The following PRKAR1B variants were observed in gnomAD, a reference collection of about 807,000 sequenced individuals.
PRKAR1B encodes protein kinase cAMP-dependent type I regulatory subunit beta, also known as cAMP-dependent protein kinase type I-beta regulatory subunit.
A neutral mutation model predicts 46.5 loss-of-function variants in PRKAR1B; 22 were observed. The observed-to-expected ratio is 0.47, with a 90% CI of 0.34 to 0.68. The LOEUF (loss-of-function observed/expected upper bound fraction) is 0.68, where lower values mean the gene tolerates loss of function less well. Ranked by LOEUF, PRKAR1B falls within the 30% of genes least tolerant of loss-of-function variation. The pLI, the probability that PRKAR1B is intolerant of heterozygous loss-of-function variation, is 0.01. For missense variants in PRKAR1B, 445 were observed against 535.6 expected (o/e 0.83, Z 1.67); for synonymous variants, 259 against 217.7 (o/e 1.19, Z -1.67).
At chr7:590,472 G>A (rs1388386877) in intron 7 of PRKAR1B, among the ~76,000 whole-genome samples, 1 of 152,230 alleles carries the variant, frequency 6.6e-6, no homozygotes, top group Non-Finnish European at 1.5e-5. Flanking sequence ...AGCAGGGTGG[G>A]GGCGGGGCCC....
chr7:590,480 C>T (rs149542022), intron 7 of PRKAR1B, among the ~76,000 whole-genome samples: 8 of 152,316 alleles, frequency 5.3e-5, no homozygotes, highest in Admixed American at 1.3e-4. Context: ...GGGGGCGGGG[C>T]CCCGAGAGAT....
At chr7:583,812 G>GCACA (rs566553143) in intron 8 of PRKAR1B, among the ~76,000 whole-genome samples, 1 of 146,574 alleles carries the variant, frequency 6.8e-6, no homozygotes, top group East Asian at 2.1e-4. Context: ...GCACACTCAT[G>GCACA]CACACACACG....
chr7:571,739 G>A (rs769897554), intron 9 of PRKAR1B, among the ~76,000 whole-genome samples: 1 of 152,136 alleles, frequency 6.6e-6, no homozygotes, highest in South Asian at 2.1e-4. Flanking sequence ...GCAGGCGTGC[G>A]GCCCCAGATG....
chr7:644,637 A>C lies in PRKAR1B; in HGVS notation c.440+32592T>G, dbSNP rs1218385051. Among the ~76,000 whole-genome samples the C allele has an allele frequency of 2.0e-5, 3 of 152,198 alleles. No individual in the cohort carries two copies. The highest frequency in any genetic ancestry group is 7.2e-5 in the African/African-American group (3 of 41,450). On this transcript the variant is annotated intron_variant, in intron 4 of 10. Transcript: ENST00000537384. This position sits in a 1 kb window ranked among gnomAD's most constrained non-coding sequence, Gnocchi z 4.9. The stretch of plus-strand genomic sequence containing the variant: ...ATGCAGGGCCGTTCTCAGCCTCAGC[A>C]GCTGAGCGTCCACCCCCAGGCCTCC...
chr7:721,288 T>C (rs1019932513), intron 1 of PRKAR1B, among the ~76,000 whole-genome samples: 3 of 152,212 alleles, frequency 2.0e-5, no homozygotes, highest in African/African-American at 7.2e-5. Flanking sequence ...TCAGTGACAT[T>C]GACTTCTATT....
At chr7:606,363 C>T in intron 5 of PRKAR1B, 124 bp from the exon 6 acceptor site, 1 of 706,602 alleles carries the variant, frequency 1.4e-6, no homozygotes, top group South Asian at 2.1e-5. Flanking sequence ...CTGGGTGCTA[C>T]CAATTCTTTT....
chr7:692,867 G>A, intron 2 of PRKAR1B, among the ~76,000 whole-genome samples: 1 of 152,130 alleles, frequency 6.6e-6, no homozygotes, highest in Non-Finnish European at 1.5e-5. Context: ...GAAAACCTGG[G>A]GCTTCATCCC....
chr7:572,517 T>C (rs1000958703), intron 9 of PRKAR1B, among the ~76,000 whole-genome samples: 2 of 152,140 alleles, frequency 1.3e-5, no homozygotes, highest in Admixed American at 6.5e-5. Flanking sequence ...GCAGTGGAGT[T>C]GCCCCCGAGG....
chr7:689,711 G>A (rs546175209), intron 2 of PRKAR1B, among the ~76,000 whole-genome samples: 6 of 151,466 alleles, frequency 4.0e-5, no homozygotes, highest in South Asian at 2.1e-4. Flanking sequence ...ACAGAGTATC[G>A]TTCTGTTGCC....
intron 7 of PRKAR1B, among the ~76,000 whole-genome samples, chr7:591,938 G>A (rs958298505): frequency 6.6e-6 from 1 of 152,230 alleles, no homozygotes; most frequent in Admixed American, 6.5e-5. Flanking sequence ...CACGGCTGTG[G>A]GGTTGGCAAC....
At chr7:571,283 T>C (rs113508467) in intron 9 of PRKAR1B, among the ~76,000 whole-genome samples, 20,017 of 152,132 alleles carry the variant, frequency 0.13, 1,354 homozygotes, top group African/African-American at 0.18. Flanking sequence ...CGGTACAGGC[T>C]GGGTCCCAGC....
At chr7:712,751 A>C (rs1583454497) in intron 1 of PRKAR1B, 1 of 76,882 alleles carries the variant, frequency 1.3e-5, no homozygotes. Flanking sequence ...TGAGTCGCCC[A>C]CTCCAGCCGG....
intron 1 of PRKAR1B, among the ~76,000 whole-genome samples, chr7:717,853 G>A (rs1780933580): frequency 6.6e-6 from 1 of 152,108 alleles, no homozygotes; most frequent in South Asian, 2.1e-4. Context: ...ATGGCTTGTG[G>A]GGTACCCTCC....
chr7:681,525 G>A (rs951239488), intron 2 of PRKAR1B, among the ~76,000 whole-genome samples: 4 of 152,188 alleles, frequency 2.6e-5, no homozygotes, highest in Non-Finnish European at 5.9e-5. Context: ...TTTTTAAAGT[G>A]AGTGAGAGGC....
intron 4 of PRKAR1B, among the ~76,000 whole-genome samples, chr7:642,711 C>G (rs1256855535): frequency 6.9e-6 from 1 of 145,626 alleles, no homozygotes; most frequent in South Asian, 2.2e-4. Flanking sequence ...CCAGCCTGGG[C>G]GACAGAGCGA....
intron 2 of PRKAR1B, among the ~76,000 whole-genome samples, chr7:688,539 C>A (rs1212245694): frequency 6.6e-6 from 1 of 152,202 alleles, no homozygotes; most frequent in Non-Finnish European, 1.5e-5. Context: ...CAGCCCCATA[C>A]CCCTCACCTG....
intron 1 of PRKAR1B, among the ~76,000 whole-genome samples, chr7:715,905 T>A (rs192431741): frequency 2.0e-5 from 3 of 152,002 alleles, no homozygotes; most frequent in African/African-American, 7.2e-5. Context: ...TTAGTAGAGA[T>A]GGGGTTTCAC....
At chr7:726,799 C>A in intron 1 of PRKAR1B, 1 of 1,302,570 alleles carries the variant, frequency 7.7e-7, no homozygotes, top group East Asian at 3.1e-5. Flanking sequence ...GGCGGTGGAG[C>A]TGAGCCGCGC....
At chr7:690,726 C>A (rs146149986) in intron 2 of PRKAR1B, among the ~76,000 whole-genome samples, 9 of 152,176 alleles carry the variant, frequency 5.9e-5, no homozygotes, top group Admixed American at 5.9e-4. Flanking sequence ...ACCCAGAAGA[C>A]GGGGCTCCTC....
Sources: allele counts gnomAD v4.1 joint callset (sites outside exome capture counted in the v4.1 genomes callset), GRCh38; gene constraint gnomAD v4.1.1; non-coding constraint Gnocchi (gnomAD v3.1); transcripts MANE v1.5; gene names NCBI Gene and HGNC (gene_info 2026-07-23, HGNC 2026-07-21).